Variants in SPOCK1 observed in about 807,000 individuals in gnomAD.
SPOCK1 encodes testican-1.
Under a neutral mutation model 55.3 loss-of-function variants are expected in SPOCK1, and 23 were observed. The observed-to-expected ratio is 0.42, with a 90% CI of 0.30 to 0.59. The LOEUF (loss-of-function observed/expected upper bound fraction) is 0.59. Among genes scored for constraint, SPOCK1 ranks in the 20% least tolerant of loss-of-function variants. The pLI is 0.22. For synonymous variants in SPOCK1, 226 were observed against 221.0 expected (o/e 1.02, Z -0.20); for missense variants, 499 against 552.5 (o/e 0.90, Z 0.97).
At chr5:137,034,288 C>G (rs1035395181) in intron 6 of SPOCK1, among the ~76,000 whole-genome samples, 1 of 152,122 alleles carries the variant, frequency 6.6e-6, no homozygotes, top group Non-Finnish European at 1.5e-5. Context: ...TGTACAGTGC[C>G]GAGGGGAAAT....
intron 3 of SPOCK1, among the ~76,000 whole-genome samples, chr5:137,193,584 C>T (rs936746224): frequency 2.0e-5 from 3 of 152,212 alleles, no homozygotes; most frequent in South Asian, 4.1e-4. Context: ...TAGAATATCA[C>T]GAGAATTATA....
At chr5:137,383,954 C>G (rs1018331364) in intron 2 of SPOCK1, among the ~76,000 whole-genome samples, 1 of 152,224 alleles carries the variant, frequency 6.6e-6, no homozygotes, top group Non-Finnish European at 1.5e-5. Context: ...AAGGCACACA[C>G]TGTTTTCCCT....
intron 2 of SPOCK1, among the ~76,000 whole-genome samples, chr5:137,338,395 C>T (rs552194094): frequency 6.6e-6 from 1 of 152,084 alleles, no homozygotes; most frequent in African/African-American, 2.4e-5. Flanking sequence ...ATATGTGCCA[C>T]ATTTTCTTAA....
intron 2 of SPOCK1, among the ~76,000 whole-genome samples, chr5:137,370,747 T>C (rs1226347244): frequency 6.6e-6 from 1 of 152,258 alleles, no homozygotes; most frequent in Non-Finnish European, 1.5e-5. Context: ...CTGAGATTTC[T>C]CTAAGAAAAC....
At chr5:137,087,245 A>G (rs1353576980) in intron 5 of SPOCK1, among the ~76,000 whole-genome samples, 1 of 152,144 alleles carries the variant, frequency 6.6e-6, no homozygotes, top group African/African-American at 2.4e-5. Flanking sequence ...CTCAAGGTGA[A>G]AGCCACATGT....
chr5:137,313,889 G>C (rs1050150621), intron 2 of SPOCK1, among the ~76,000 whole-genome samples: 3 of 149,892 alleles, frequency 2.0e-5, no homozygotes, highest in Non-Finnish European at 4.4e-5. Flanking sequence ...CCACAGAAGA[G>C]AGCAGCAGCA....
intron 6 of SPOCK1, among the ~76,000 whole-genome samples, chr5:137,034,624 G>A (rs566627634): frequency 4.6e-5 from 7 of 152,264 alleles, no homozygotes; most frequent in East Asian, 3.9e-4. Context: ...CAGAAAACTC[G>A]GGTTGTCTCA....
chr5:137,281,099 T>C (rs1244112238), intron 2 of SPOCK1, among the ~76,000 whole-genome samples: 1 of 152,260 alleles, frequency 6.6e-6, no homozygotes, highest in Non-Finnish European at 1.5e-5. Flanking sequence ...GGATTACTTC[T>C]TAAATTCATA....
intron 5 of SPOCK1, among the ~76,000 whole-genome samples, chr5:137,086,783 C>A (rs777525099): frequency 2.6e-5 from 4 of 152,254 alleles, no homozygotes; most frequent in African/African-American, 9.6e-5. Context: ...GGGCATGTTT[C>A]GAGTTAATAA....
At chr5:137,141,956 G>A (rs11242367) in intron 3 of SPOCK1, among the ~76,000 whole-genome samples, 136,422 of 152,220 alleles carry the variant, frequency 0.9, 61,200 homozygotes, top group African/African-American at 0.93. Flanking sequence ...GCTAATCAGC[G>A]CTCTGCGTGC....
chr5:137,229,062 G>A (rs1054598562), intron 3 of SPOCK1, among the ~76,000 whole-genome samples: 4 of 152,086 alleles, frequency 2.6e-5, no homozygotes, highest in Non-Finnish European at 5.9e-5. Flanking sequence ...GGGAATTTGT[G>A]GTCAGACTGC....
chr5:137,448,099 T>C (rs1029328268), intron 2 of SPOCK1, among the ~76,000 whole-genome samples: 22 of 152,030 alleles, frequency 1.4e-4, no homozygotes, highest in African/African-American at 5.1e-4. Context: ...AATACAAAAA[T>C]TAGCCGGGCT....
At chr5:137,378,873 G>A (rs1272401101) in intron 2 of SPOCK1, among the ~76,000 whole-genome samples, 3 of 152,194 alleles carry the variant, frequency 2.0e-5, no homozygotes, top group Non-Finnish European at 4.4e-5. Flanking sequence ...CATCAGAGGG[G>A]TAAAAAGGCA....
At chr5:137,195,724 A>G (rs1304118423) in intron 3 of SPOCK1, among the ~76,000 whole-genome samples, 2 of 152,164 alleles carry the variant, frequency 1.3e-5, no homozygotes, top group Admixed American at 6.5e-5. Flanking sequence ...AAGGCAGGTG[A>G]CTCAGCCCAG....
chr5:137,077,172 C>T (rs1246559943), intron 5 of SPOCK1, among the ~76,000 whole-genome samples: 1 of 152,262 alleles, frequency 6.6e-6, no homozygotes, highest in East Asian at 1.9e-4. Context: ...GATCCACCCG[C>T]CTCGTCCTCC....
intron 3 of SPOCK1, among the ~76,000 whole-genome samples, chr5:137,211,838 G>A (rs1167698696): frequency 6.6e-6 from 1 of 152,056 alleles, no homozygotes; most frequent in Non-Finnish European, 1.5e-5. Context: ...AATCCAAAAG[G>A]GTGGTGCACC....
chr5:137,323,291 T>C (rs568206731), intron 2 of SPOCK1, among the ~76,000 whole-genome samples: 2 of 152,300 alleles, frequency 1.3e-5, no homozygotes, highest in African/African-American at 4.8e-5. Flanking sequence ...ATTTTAGATT[T>C]TAGGACACAC....
At chr5:137,161,754 T>G (rs1444712323) in intron 3 of SPOCK1, among the ~76,000 whole-genome samples, 1 of 152,158 alleles carries the variant, frequency 6.6e-6, no homozygotes, top group African/African-American at 2.4e-5. Flanking sequence ...TGTTTTTGTA[T>G]TAAAAAAAAA....
chr5:137,024,318 G>GGGGGGC lies in SPOCK1; in HGVS notation c.590-31719_590-31718insGCCCCC, dbSNP rs1561583079. ...CACTAAATTGCACCAGTTTGAAGGG[G>GGGGGGC]GGGGGGTAGTTACAACTGACTGCTC... is the stretch of plus-strand genomic sequence containing the variant. On this transcript the variant is annotated intron_variant, in intron 6 of 10. Transcript: ENST00000394945. Among the ~76,000 whole-genome samples the GGGGGGC allele has an allele frequency of 4.7e-5, 7 of 148,714 alleles. 1 individual carries two copies. Among genetic ancestry groups the GGGGGGC allele is most frequent in the African/African-American group, 1.5e-4 (6 of 40,044 alleles).
Sources: gnomAD v4.1 joint callset for allele counts (sites outside exome capture counted in the v4.1 genomes callset) on GRCh38, gnomAD v4.1.1 for gene constraint, MANE v1.5 for transcripts, NCBI Gene and HGNC (gene_info 2026-07-23, HGNC 2026-07-21) for gene names.